Variants in ASIC2 observed in about 807,000 individuals in gnomAD.
ASIC2 encodes the protein acid-sensing ion channel 2.
Under a neutral mutation model 57.3 loss-of-function variants are expected in ASIC2, and 25 were observed. That is an observed-to-expected ratio of 0.44 (90% CI 0.32 to 0.61). The LOEUF (loss-of-function observed/expected upper bound fraction) is 0.61, where lower values mean the gene tolerates loss of function less well. ASIC2 is among the 20% of genes least tolerant of loss of function. The pLI is 0.06. For synonymous variants in ASIC2, 319 were observed against 307.5 expected, an observed-to-expected ratio of 1.04 and a Z score of -0.39; for missense variants, 641 against 738.1, an observed-to-expected ratio of 0.87 and a Z score of 1.52.
intron 1 of ASIC2, among the ~76,000 whole-genome samples, chr17:34,019,304 G>T (rs1480127404): frequency 6.6e-6 from 1 of 152,190 alleles, no homozygotes; most frequent in Non-Finnish European, 1.5e-5. Context: ...CAATAGAGTA[G>T]CAGCATGGTT....
chr17:33,324,813 G>T (rs1160137382), intron 1 of ASIC2, among the ~76,000 whole-genome samples: 1 of 151,910 alleles, frequency 6.6e-6, no homozygotes, highest in Admixed American at 6.6e-5. Flanking sequence ...GAGATATGAA[G>T]CCCATGCTAA....
At chr17:33,087,389 TCC>T (rs2092138404) in intron 3 of ASIC2, among the ~76,000 whole-genome samples, 1 of 152,076 alleles carries the variant, frequency 6.6e-6, no homozygotes, top group Non-Finnish European at 1.5e-5. Context: ...AGGCTAACCT[TCC>T]AGCACCTCCT....
At chr17:33,658,305 C>T (rs1476012194) in intron 1 of ASIC2, among the ~76,000 whole-genome samples, 1 of 152,208 alleles carries the variant, frequency 6.6e-6, no homozygotes, top group African/African-American at 2.4e-5. Context: ...CATAGGAATC[C>T]AAATTCCTTT....
At chr17:33,344,662 A>T (rs971616745) in intron 1 of ASIC2, among the ~76,000 whole-genome samples, 2 of 152,014 alleles carry the variant, frequency 1.3e-5, no homozygotes, top group Non-Finnish European at 2.9e-5. Context: ...CAGTGTTCAC[A>T]GGGCTTCCTT....
intron 1 of ASIC2, among the ~76,000 whole-genome samples, chr17:33,127,733 C>G (rs998497126): frequency 2.0e-5 from 3 of 152,204 alleles, no homozygotes; most frequent in African/African-American, 7.2e-5. Flanking sequence ...CTGCTCATCT[C>G]TTACCTGGTT....
At chr17:34,127,736 T>C (rs1191993217) in intron 1 of ASIC2, among the ~76,000 whole-genome samples, 1 of 152,020 alleles carries the variant, frequency 6.6e-6, no homozygotes, top group African/African-American at 2.4e-5. Flanking sequence ...ACCTGAGCCC[T>C]CCACAAGAAG....
chr17:33,361,390 T>C (rs1597698957), intron 1 of ASIC2, among the ~76,000 whole-genome samples: 2 of 152,274 alleles, frequency 1.3e-5, no homozygotes. Context: ...GTGGACCTGA[T>C]GGTGAGAGGT....
In ASIC2 at chr17:33,982,676, T is replaced by A. The variant is rs553652621; in HGVS notation, c.555+173302A>T. Among the ~76,000 whole-genome samples, 28 of 152,354 alleles carry A rather than the reference T, an allele frequency of 1.8e-4. 1 individual carries two copies. The South Asian group carries it at 5.2e-3, about 28-fold the overall frequency. ...CATGTTGACCTGGTAAATTCCTATC[T>A]ACCTTTGAAGATTCAGCTCAACTAT... On this transcript the variant is annotated intron_variant, in intron 1 of 9. Transcript: ENST00000359872.
chr17:33,736,054 G>A (rs759567293), intron 1 of ASIC2, among the ~76,000 whole-genome samples: 1 of 151,920 alleles, frequency 6.6e-6, no homozygotes, highest in Non-Finnish European at 1.5e-5. Flanking sequence ...ACATTTCTTG[G>A]AATTCTTGAA....
intron 1 of ASIC2, among the ~76,000 whole-genome samples, chr17:33,223,105 A>G (rs1487232955): frequency 6.6e-6 from 1 of 152,202 alleles, no homozygotes; most frequent in Non-Finnish European, 1.5e-5. Context: ...TTAGATGCCA[A>G]CCTGTTCTCA....
rs375291433 is a variant in ASIC2, at chr17:33,322,659, C to T, written c.556-210592G>A. On this transcript the variant is annotated intron_variant, in intron 1 of 9. Transcript: ENST00000359872. Reference sequence around the variant, plus strand: ...AGACAGAGATGGTTCAGACCCAATACCTCCTTCCAACAATGTTACTGTCTA... The same window carrying T: ...AGACAGAGATGGTTCAGACCCAATATCTCCTTCCAACAATGTTACTGTCTA... 5.3e-5 allele frequency among the ~76,000 whole-genome samples: 8 copies of T among 152,272 alleles called. No individual in the cohort carries two copies. The South Asian group carries it at 1.0e-3, about 20-fold the overall frequency.
intron 1 of ASIC2, among the ~76,000 whole-genome samples, chr17:33,960,676 T>G (rs185794494): frequency 4.6e-5 from 7 of 152,316 alleles, no homozygotes; most frequent in African/African-American, 1.7e-4. Context: ...GTTTCTAGAA[T>G]GTACCATTGT....
intron 1 of ASIC2, among the ~76,000 whole-genome samples, chr17:33,570,354 T>C (rs1237798571): frequency 6.6e-6 from 1 of 152,220 alleles, no homozygotes; most frequent in Non-Finnish European, 1.5e-5. Flanking sequence ...AGCTTTGTGC[T>C]TCTGGCTCCT....
At chr17:33,221,205 C>G (rs1188271657) in intron 1 of ASIC2, among the ~76,000 whole-genome samples, 3 of 152,124 alleles carry the variant, frequency 2.0e-5, no homozygotes, top group Non-Finnish European at 4.4e-5. Flanking sequence ...GAGATCTGGG[C>G]CAAGTCACTT....
chr17:33,979,473 G>A (rs1016911272), intron 1 of ASIC2, among the ~76,000 whole-genome samples: 21 of 152,066 alleles, frequency 1.4e-4, no homozygotes, highest in African/African-American at 5.1e-4. Flanking sequence ...AGTACTTTAA[G>A]AAATCCAGAA....
At chr17:33,913,289 C>T (rs901152377) in intron 1 of ASIC2, among the ~76,000 whole-genome samples, 8 of 152,102 alleles carry the variant, frequency 5.3e-5, no homozygotes, top group Non-Finnish European at 8.8e-5. Context: ...AGAATTTGTT[C>T]TGCTTAGGTA....
At chr17:33,408,416 G>T (rs1910541292) in intron 1 of ASIC2, among the ~76,000 whole-genome samples, 1 of 152,206 alleles carries the variant, frequency 6.6e-6, no homozygotes, top group African/African-American at 2.4e-5. Flanking sequence ...GTAGTGAAAA[G>T]AGGCCAGACG....
intron 1 of ASIC2, among the ~76,000 whole-genome samples, chr17:33,882,819 T>C (rs1231507234): frequency 3.3e-5 from 5 of 152,204 alleles, no homozygotes; most frequent in Non-Finnish European, 5.9e-5. Flanking sequence ...CGTATGTTTA[T>C]TGCGGTACTA....
chr17:33,164,647 A>AGGGGCTTGCTC (rs1905257181), intron 1 of ASIC2, among the ~76,000 whole-genome samples: 1 of 152,096 alleles, frequency 6.6e-6, no homozygotes, highest in African/African-American at 2.4e-5. Flanking sequence ...CGACTGTTGC[A>AGGGGCTTGCTC]GGGGCTTGCT....
Sources: gnomAD v4.1 joint callset for allele counts (sites outside exome capture counted in the v4.1 genomes callset) on GRCh38, gnomAD v4.1.1 for gene constraint, MANE v1.5 for transcripts, NCBI Gene and HGNC (gene_info 2026-07-23, HGNC 2026-07-21) for gene names.